The following CARMIL1 variants were observed in gnomAD, a reference collection of about 807,000 sequenced individuals.
CARMIL1 encodes capping protein regulator and myosin 1 linker 1.
CARMIL1 carries 90 observed loss-of-function variants against 177.1 expected under a neutral mutation model. The ratio of observed to expected loss-of-function variants is 0.51; its 90% CI spans 0.43 to 0.61. The LOEUF is 0.61. Ranked by LOEUF, CARMIL1 falls within the 20% of genes least tolerant of loss-of-function variation. The probability of loss-of-function intolerance (pLI) is 0.00; values close to 1 mark genes in which losing one functional copy is unlikely to be tolerated. For missense variants in CARMIL1, 1,380 were observed against 1,667.0 expected (o/e 0.83, Z 3.00); for synonymous variants, 577 against 606.2 (o/e 0.95, Z 0.71).
chr6:25,452,048 T>C, intron 8 of CARMIL1: 1 of 487,840 alleles, frequency 2.0e-6, no homozygotes, highest in Non-Finnish European at 4.0e-6. Flanking sequence ...TGGCAGGAAA[T>C]CCAGAATTGC....
chr6:25,485,922 A>G (rs776406503), intron 12 of CARMIL1, among the ~76,000 whole-genome samples: 78 of 150,662 alleles, frequency 5.2e-4, no homozygotes, highest in South Asian at 8.4e-4. Flanking sequence ...TCATGGCTCG[A>G]TAACGCAAGA....
chr6:25,606,746 G>C (rs960036671), intron 35 of CARMIL1, among the ~76,000 whole-genome samples: 1 of 152,118 alleles, frequency 6.6e-6, no homozygotes, highest in African/African-American at 2.4e-5. Flanking sequence ...CAAACAATGG[G>C]CCTGTTTTTG....
At chr6:25,567,080 A>T (rs1269763604) in intron 29 of CARMIL1, among the ~76,000 whole-genome samples, 1 of 152,210 alleles carries the variant, frequency 6.6e-6, no homozygotes, top group African/African-American at 2.4e-5. Context: ...GGATGTTAAC[A>T]CACTTTCCCC....
intron 8 of CARMIL1, among the ~76,000 whole-genome samples, chr6:25,462,672 C>T (rs576365528): frequency 1.5e-4 from 23 of 152,288 alleles, no homozygotes; most frequent in South Asian, 1.5e-3. Context: ...TCTTTTAAGC[C>T]GGTGAGCCAT....
intron 12 of CARMIL1, among the ~76,000 whole-genome samples, chr6:25,487,057 G>A (rs1047204640): frequency 4.6e-5 from 7 of 152,014 alleles, no homozygotes; most frequent in Non-Finnish European, 5.9e-5. Context: ...TTTTTTATTC[G>A]AAGTCTCGGT....
In CARMIL1 at chr6:25,517,356, A is replaced by G. The variant is rs1289982031; in HGVS notation, c.1815A>G (p.Ile605Met). ...LQINTKLRTVIWDKNNITAQG... is the reference protein window; with the variant it reads ...LQINTKLRTVMWDKNNITAQG... Reference sequence around the variant, plus strand: ...TTTGATTTTCAAACAGGACTGTAATATGGGACAAGAACAACATCACTGCAC... The same window carrying G: ...TTTGATTTTCAAACAGGACTGTAATGTGGGACAAGAACAACATCACTGCAC... Residue 605 changes from isoleucine to methionine, a missense_variant, in exon 22 of 37, where the codon ATA (isoleucine) becomes ATG (methionine). Transcript: ENST00000329474. The G allele has an allele frequency of 1.9e-6, 3 of 1,612,852 alleles. No homozygotes were observed. The highest frequency in any genetic ancestry group is 2.2e-5 in the East Asian group (1 of 44,818).
intron 26 of CARMIL1, among the ~76,000 whole-genome samples, chr6:25,540,494 G>A (rs1808791590): frequency 6.6e-6 from 1 of 152,132 alleles, no homozygotes; most frequent in African/African-American, 2.4e-5. Flanking sequence ...AATCTTCAAA[G>A]GGGCTGGTTG....
At chr6:25,410,318 A>T (rs7750681) in intron 2 of CARMIL1, among the ~76,000 whole-genome samples, 1 of 152,156 alleles carries the variant, frequency 6.6e-6, no homozygotes, top group Admixed American at 6.5e-5. Flanking sequence ...GACTGCGGCA[A>T]TAGACTTACA....
intron 31 of CARMIL1, among the ~76,000 whole-genome samples, chr6:25,584,026 C>CTTTTTTTTTTTTTTTT (rs71544648): frequency 1.3e-4 from 16 of 119,114 alleles, no homozygotes; most frequent in Non-Finnish European, 2.1e-4. Context: ...TTTTCTTTTT[C>CTTTTTTTTTTTTTTTT]TTTTTTTTTT....
At chr6:25,413,720 G>A (rs1033952451) in intron 2 of CARMIL1, among the ~76,000 whole-genome samples, 2 of 152,152 alleles carry the variant, frequency 1.3e-5, no homozygotes, top group Non-Finnish European at 2.9e-5. Context: ...GGAAAAATGG[G>A]CCTTCCCAGG....
At position 25,435,989 on chromosome 6, in the gene CARMIL1, ACAGTG is replaced by A. The variant is rs1241107377; in HGVS notation, c.371+387_371+391del. The stretch of plus-strand genomic sequence containing the variant: ...AAGTATAATGCAGATGAAGAGAGAG[ACAGTG>A]CTTTATTTTCTTTGCTTTTTTATTT... On this transcript the variant is annotated intron_variant, in intron 5 of 36. Transcript: ENST00000329474. 2.0e-5 allele frequency among the ~76,000 whole-genome samples: 3 copies of A among 152,310 alleles called. No individual in the cohort carries two copies. The East Asian group carries it at 5.8e-4, about 29-fold the overall frequency.
Position 25,398,165 on chromosome 6 carries a change from A to G in CARMIL1, c.139-21949A>G, listed in dbSNP as rs572526316. On this transcript the variant is annotated intron_variant, in intron 2 of 36. Coordinates refer to ENST00000329474, the MANE Select transcript of CARMIL1 (RefSeq NM_017640.6). Reference sequence around the variant, plus strand: ...AAATTAATGAACAAGGTAATTTTATATTTTTCTGGTATGGGTGGAATTTTT... The same window carrying G: ...AAATTAATGAACAAGGTAATTTTATGTTTTTCTGGTATGGGTGGAATTTTT... 1.1e-4 allele frequency among the ~76,000 whole-genome samples: 16 copies of G among 152,262 alleles called. No homozygotes were observed. The East Asian group carries it at 2.9e-3, about 28-fold the overall frequency.
At chr6:25,462,591 C>T (rs1011687399) in intron 8 of CARMIL1, among the ~76,000 whole-genome samples, 1 of 152,182 alleles carries the variant, frequency 6.6e-6, no homozygotes, top group Non-Finnish European at 1.5e-5. Flanking sequence ...TCAGGTTCCC[C>T]ATGCTGTTGT....
rs148871802 is a variant in CARMIL1 at position 25,472,423 on chromosome 6, G to A, written c.780-4G>A. The A allele has an allele frequency of 1.7e-3, 2,604 of 1,555,728 alleles. 4 individuals carry two copies. The highest frequency in any genetic ancestry group is 2.1e-3 in the Non-Finnish European group (2,368 of 1,145,338). Reference sequence around the variant, plus strand: ...TTTAATCTTATTGTTTTGTTTACACGCAGAGATTTTGCACAAAAACTGGCC... The same window carrying A: ...TTTAATCTTATTGTTTTGTTTACACACAGAGATTTTGCACAAAAACTGGCC... On this transcript the variant is annotated splice_polypyrimidine_tract_variant and splice_region_variant and intron_variant, in intron 10 of 36. Transcript: ENST00000329474.
At chr6:25,584,323 G>A (rs572450994) in intron 31 of CARMIL1, among the ~76,000 whole-genome samples, 5 of 149,716 alleles carry the variant, frequency 3.3e-5, no homozygotes, top group Non-Finnish European at 7.4e-5. Context: ...TTGCAGGCAT[G>A]AGCTACCATG....
At chr6:25,478,819 A>T (rs1801827649) in intron 11 of CARMIL1, among the ~76,000 whole-genome samples, 1 of 151,672 alleles carries the variant, frequency 6.6e-6, no homozygotes, top group Non-Finnish European at 1.5e-5. Context: ...AAGGGCATAG[A>T]TTTAGATTTA....
intron 2 of CARMIL1, among the ~76,000 whole-genome samples, chr6:25,345,840 C>T (rs931394000): frequency 6.6e-6 from 1 of 152,198 alleles, no homozygotes; most frequent in Admixed American, 6.5e-5. Flanking sequence ...TGGTCTCAAA[C>T]TCCTGACCTC....
intron 17 of CARMIL1, among the ~76,000 whole-genome samples, chr6:25,503,198 A>G (rs1320573318): frequency 1.3e-5 from 2 of 152,176 alleles, no homozygotes; most frequent in African/African-American, 2.4e-5. Flanking sequence ...CTTATGCATT[A>G]TATGATAAAT....
At chr6:25,477,087 CA>C (rs1162798140) in intron 11 of CARMIL1, among the ~76,000 whole-genome samples, 771 of 47,436 alleles carry the variant, frequency 0.016, 4 homozygotes, top group African/African-American at 0.049. Flanking sequence ...AATTCCGTCT[CA>C]AAAAAAAAAA....
Sources: allele counts gnomAD v4.1 joint callset (sites outside exome capture counted in the v4.1 genomes callset), GRCh38; gene constraint gnomAD v4.1.1; transcripts MANE v1.5; gene names NCBI Gene and HGNC (gene_info 2026-07-23, HGNC 2026-07-21).